Variants in LMO7 observed in about 807,000 individuals in gnomAD.
LMO7 encodes the protein LIM domain only protein 7.
A neutral mutation model predicts 206.5 loss-of-function variants in LMO7; 120 were observed. The observed-to-expected ratio is 0.58, with a 90% confidence interval of 0.50 to 0.68. The LOEUF is 0.68. Among genes scored for constraint, LMO7 ranks in the 30% least tolerant of loss-of-function variants. The pLI, the probability that LMO7 is intolerant of heterozygous loss-of-function variation, is 0.00. For missense variants in LMO7, 1,959 were observed against 1,957.9 expected, an observed-to-expected ratio of 1.00 and a Z score of -0.01; for synonymous variants, 706 against 681.5, an observed-to-expected ratio of 1.04 and a Z score of -0.56.
chr13:75,758,967 G>C (rs1282767797), intron 3 of LMO7, among the ~76,000 whole-genome samples: 1 of 152,096 alleles, frequency 6.6e-6, no homozygotes, highest in African/African-American at 2.4e-5. Flanking sequence ...CCTGAGACTG[G>C]GTAATTTACA....
chr13:75,824,964 G>T (rs1679618656), intron 15 of LMO7, among the ~76,000 whole-genome samples: 1 of 151,952 alleles, frequency 6.6e-6, no homozygotes, highest in Non-Finnish European at 1.5e-5. Flanking sequence ...TTCTTTTCTG[G>T]TTGTAAGGTA....
At chr13:75,812,885 C>T (rs2056562895) in intron 11 of LMO7, among the ~76,000 whole-genome samples, 1 of 152,220 alleles carries the variant, frequency 6.6e-6, no homozygotes, top group African/African-American at 2.4e-5. Context: ...AGCTAATCAT[C>T]CTTCATTCAA....
At chr13:75,747,687 G>A (rs1355219037) in intron 3 of LMO7, among the ~76,000 whole-genome samples, 2 of 152,186 alleles carry the variant, frequency 1.3e-5, no homozygotes, top group Middle Eastern at 3.2e-3. Context: ...AGGTGGCATG[G>A]CAGTTGTGGT....
chr13:75,681,706 G>GTGTGTGTA lies in LMO7; in HGVS notation c.70-31475_70-31474insGTGTGTAT, dbSNP rs1259746833. ...ATGTCATGTATGTATGTATGTATGT[G>GTGTGTGTA]TATATATATATGTATATATATATAT... On this transcript the variant is annotated intron_variant, in intron 1 of 30. Coordinates refer to ENST00000377534, the MANE Select transcript of LMO7 (RefSeq NM_001306080.2). 2.4e-4 allele frequency among the ~76,000 whole-genome samples: 22 copies of GTGTGTGTA among 93,300 alleles called. No homozygotes were observed. In the Admixed American group the frequency reaches 2.4e-3, roughly 10 times the overall value. The allele number at this position is 93,300 out of a possible 152,430, so 61.2% of individuals were successfully genotyped here.
chr13:75,647,072 TG>T, intron 1 of LMO7, among the ~76,000 whole-genome samples: 1 of 149,106 alleles, frequency 6.7e-6, no homozygotes, highest in South Asian at 2.1e-4. Flanking sequence ...CATAGGTGTG[TG>T]TGTGTGTGTG....
chr13:75,755,639 A>G (rs904306249), intron 3 of LMO7, among the ~76,000 whole-genome samples: 1 of 152,082 alleles, frequency 6.6e-6, no homozygotes, highest in African/African-American at 2.4e-5. Flanking sequence ...CTAACTTACT[A>G]CTAGCTGGGC....
chr13:75,783,641 C>T lies in LMO7; in HGVS notation c.318-11760C>T, dbSNP rs537324556. Among the ~76,000 whole-genome samples the T allele has an allele frequency of 2.8e-3, 419 of 152,268 alleles. 6 individuals carry two copies. The highest frequency in any genetic ancestry group is 2.6e-3 in the Non-Finnish European group (177 of 68,020). ...CCGGGCCAGATACATCATTTCCTGC[C>T]ACTTTGTATCTGAAAGACAAGAGAG... On this transcript the variant is annotated intron_variant, in intron 4 of 30. Transcript: ENST00000377534.
At position 75,674,143 on chromosome 13, in the gene LMO7, A is replaced by G. The variant is rs535547489; in HGVS notation, c.69+37417A>G. On this transcript the variant is annotated intron_variant, in intron 1 of 30. Coordinates refer to ENST00000377534, the MANE Select transcript of LMO7 (RefSeq NM_001306080.2). ...TTAATGTCCATTTATTCCTTGGAAT[A>G]TTTGTTTGCAAATTTAAATAGAGAA... Among the ~76,000 whole-genome samples the G allele has an allele frequency of 6.6e-5, 10 of 152,378 alleles. No homozygotes were observed. The South Asian group carries it at 1.9e-3, about 28-fold the overall frequency.
In LMO7 at chr13:75,805,619, G is replaced by T; in HGVS notation, c.1055G>T (p.Arg352Leu). The change falls in exon 9 of 31, where the codon CGC becomes CTC. Residue 352 changes from arginine (R) to leucine (L), a missense_variant. Coordinates refer to ENST00000377534, the MANE Select transcript of LMO7 (RefSeq NM_001306080.2). ...ATTGTAAAGGATGATCTTTATGTGC[G>T]CAAGCTCAGTCCAGTCATGCCAAAC... Reference protein sequence around the residue: ...PNIVKDDLYVRKLSPVMPNPG... With the variant: ...PNIVKDDLYVLKLSPVMPNPG... The T allele has an allele frequency of 1.2e-6, 2 of 1,614,060 alleles. No individual in the cohort carries two copies. Among genetic ancestry groups the T allele is most frequent in the Admixed American group, 1.7e-5 (1 of 60,024 alleles).
At chr13:75,745,343 A>G (rs2046749264) in intron 3 of LMO7, among the ~76,000 whole-genome samples, 2 of 152,200 alleles carry the variant, frequency 1.3e-5, no homozygotes, top group South Asian at 4.1e-4. Context: ...GTGATGAAGG[A>G]TGCACATATT....
In LMO7 at chr13:75,830,805, A is replaced by G. The variant is rs558690126; in HGVS notation, c.2950-2246A>G. Among the ~76,000 whole-genome samples the G allele has an allele frequency of 1.5e-4, 23 of 152,306 alleles. 1 individual carries two copies. In the East Asian group the frequency reaches 4.4e-3, roughly 29 times the overall value. ...GATCCTATATTTGGTAGAAAAGGAT[A>G]ATGTTCACTTGCCATCTCCCACAAA... On this transcript the variant is annotated intron_variant, in intron 15 of 30. Transcript: ENST00000377534.
intron 4 of LMO7, among the ~76,000 whole-genome samples, chr13:75,771,462 T>C (rs1027812503): frequency 5.0e-5 from 5 of 99,128 alleles, no homozygotes; most frequent in African/African-American, 1.8e-4. Flanking sequence ...TTGTAAAACC[T>C]TACTAATCTA....
At chr13:75,721,900 C>A (rs1304589650) in intron 2 of LMO7, among the ~76,000 whole-genome samples, 1 of 152,072 alleles carries the variant, frequency 6.6e-6, no homozygotes, top group African/African-American at 2.4e-5. Flanking sequence ...AGAAATAAAG[C>A]CAAGTATTTA....
In LMO7 at chr13:75,804,450, C is replaced by T; in HGVS notation, c.823C>T (p.Pro275Ser). 6.2e-7 allele frequency: 1 copy of T among 1,614,120 alleles called. No individual in the cohort carries two copies. Among genetic ancestry groups the T allele is most frequent in the Non-Finnish European group, 8.5e-7 (1 of 1,179,996 alleles). The change falls in exon 8 of 31, where the codon CCT becomes TCT. Residue 275 changes from proline to serine, a missense_variant. Physicochemically the swap from Pro to Ser is moderately conservative, Grantham distance 74 (BLOSUM62 -1). Coordinates refer to ENST00000377534, the MANE Select transcript of LMO7 (RefSeq NM_001306080.2). ...KSRQPSYVPA[P>S]LRKKKPDKHE... ...TAGACAGCCATCCTATGTACCAGCA[C>T]CTCTGAGAAAGAAAAAGCCAGACAA...
chr13:75,856,445 G>T, intron 29 of LMO7, 61 bp from the exon 30 acceptor site: 14 of 963,638 alleles, frequency 1.5e-5, no homozygotes, highest in Non-Finnish European at 2.3e-5. Flanking sequence ...CCACCCCCAG[G>T]AGTGCCCCAA....
At chr13:75,760,042 T>G (rs981166943) in intron 3 of LMO7, among the ~76,000 whole-genome samples, 8 of 151,248 alleles carry the variant, frequency 5.3e-5, no homozygotes, top group African/African-American at 2.0e-4. Context: ...CCCCATAAAG[T>G]GTTTTCTTTT....
At chr13:75,722,736 TTGCACTTGCAAGAATA>T (rs1259556885) in intron 2 of LMO7, among the ~76,000 whole-genome samples, 1 of 152,168 alleles carries the variant, frequency 6.6e-6, no homozygotes, top group Admixed American at 6.5e-5. Flanking sequence ...GCAGCGCAAT[TTGCACTTGCAAGAATA>T]TGGAACCAGC....
chr13:75,672,151 C>T (rs1220489351), intron 1 of LMO7, among the ~76,000 whole-genome samples: 2 of 151,998 alleles, frequency 1.3e-5, no homozygotes, highest in Non-Finnish European at 2.9e-5. Context: ...CGGCTGTATG[C>T]ACACTCTTGT....
At chr13:75,701,433 C>T (rs769490763) in intron 1 of LMO7, among the ~76,000 whole-genome samples, 6 of 152,176 alleles carry the variant, frequency 3.9e-5, no homozygotes, top group Non-Finnish European at 5.9e-5. Flanking sequence ...GATCCCACAG[C>T]GATGCCTTTC....
Sources: gnomAD v4.1 joint callset for allele counts (sites outside exome capture counted in the v4.1 genomes callset) on GRCh38, gnomAD v4.1.1 for gene constraint, MANE v1.5 for transcripts, NCBI Gene and HGNC (gene_info 2026-07-23, HGNC 2026-07-21) for gene names.